DGLUCY: variants seen among roughly 807,000 people sequenced by gnomAD.
DGLUCY encodes D-glutamate cyclase.
DGLUCY carries 58 observed loss-of-function variants against 58.5 expected under a neutral mutation model. The ratio of observed to expected loss-of-function variants is 0.99; its 90% CI spans 0.80 to 1.23. The LOEUF is 1.23. DGLUCY is among the 50% of genes most tolerant of loss of function. The pLI, the probability that DGLUCY is intolerant of heterozygous loss-of-function variation, is 0.00. For missense variants in DGLUCY, 779 were observed against 784.7 expected (o/e 0.99, Z 0.09); for synonymous variants, 325 against 314.1 (o/e 1.03, Z -0.37).
At position 91,172,835 on chromosome 14, in the gene DGLUCY, T is replaced by TG. The variant is rs2048644519; in HGVS notation, c.457-450dup. The stretch of plus-strand genomic sequence containing the variant: ...CGAACTTTTGTATTTTTAATAGAGA[T>TG]GGGGTTTCACCATGCTGGCCAGGCT... On this transcript the variant is annotated intron_variant, in intron 5 of 13. Coordinates refer to ENST00000256324, the MANE Select transcript of DGLUCY (RefSeq NM_001102368.3). Among the ~76,000 whole-genome samples the TG allele has an allele frequency of 2.6e-5, 4 of 152,114 alleles. 1 individual carries two copies. The South Asian group carries it at 8.3e-4, about 32-fold the overall frequency.
At chr14:91,187,479 C>T (rs150240147) in intron 8 of DGLUCY, among the ~76,000 whole-genome samples, 1 of 152,348 alleles carries the variant, frequency 6.6e-6, no homozygotes, top group Non-Finnish European at 1.5e-5. Flanking sequence ...ACAATGGGAC[C>T]TCATGAGGGC....
chr14:91,068,077 A>ACGCGCACACACGCGCACG (rs527668243), intron 1 of DGLUCY, among the ~76,000 whole-genome samples: 2 of 84,554 alleles, frequency 2.4e-5, no homozygotes, highest in Non-Finnish European at 4.8e-5. Context: ...ACACACGCGC[A>ACGCGCACACACGCGCACG]CGCACACACA....
At chr14:91,107,303 G>A (rs967439352), upstream of DGLUCY, among the ~76,000 whole-genome samples, 2 of 152,070 alleles carry the variant, frequency 1.3e-5, no homozygotes, top group Non-Finnish European at 2.9e-5. Context: ...TGGATCATCT[G>A]AGGTCGGGAG....
At chr14:91,080,580 AG>A (rs1195447091) in intron 1 of DGLUCY, among the ~76,000 whole-genome samples, 3 of 152,130 alleles carry the variant, frequency 2.0e-5, no homozygotes, top group African/African-American at 7.2e-5. Context: ...CATGTTGGTC[AG>A]GCTGTTCTCG....
At chr14:91,102,755 G>GTGTGTGTGTA (rs1555391105) in intron 1 of DGLUCY, among the ~76,000 whole-genome samples, 19 of 149,682 alleles carry the variant, frequency 1.3e-4, no homozygotes, top group African/African-American at 4.7e-4. Context: ...GTGTGTGTGT[G>GTGTGTGTGTA]TGTGTGTGTG....
intron 1 of DGLUCY, among the ~76,000 whole-genome samples, chr14:91,093,865 C>T (rs918221321): frequency 3.9e-5 from 6 of 151,968 alleles, no homozygotes; most frequent in African/African-American, 1.5e-4. Context: ...CAAAAGGTCA[C>T]ATCTTGTATG....
At chr14:91,072,750 G>A (rs545554241) in intron 1 of DGLUCY, among the ~76,000 whole-genome samples, 32 of 152,054 alleles carry the variant, frequency 2.1e-4, no homozygotes, top group African/African-American at 5.8e-4. Flanking sequence ...TGCCAGGTGC[G>A]GTGGCTCATG....
At chr14:91,167,871 C>T in intron 4 of DGLUCY, 2 of 597,600 alleles carry the variant, frequency 3.3e-6, no homozygotes, top group South Asian at 4.0e-5. Flanking sequence ...CTTCCCTGGC[C>T]TAGCCCTAGT....
intron 1 of DGLUCY, among the ~76,000 whole-genome samples, chr14:91,089,193 G>A (rs1223620749): frequency 6.6e-6 from 1 of 152,164 alleles, no homozygotes; most frequent in Non-Finnish European, 1.5e-5. Context: ...TTCTTCCTGG[G>A]TATTTTTGGT....
intron 7 of DGLUCY, among the ~76,000 whole-genome samples, chr14:91,177,387 T>C (rs1214050012): frequency 6.6e-6 from 1 of 152,142 alleles, no homozygotes; most frequent in African/African-American, 2.4e-5. Context: ...TTTTGAGACA[T>C]TTTGGAGATT....
At chr14:91,211,800 TTTGA>T (rs79998257) in intron 12 of DGLUCY, among the ~76,000 whole-genome samples, 9 of 151,788 alleles carry the variant, frequency 5.9e-5, no homozygotes, top group East Asian at 3.9e-4. Flanking sequence ...TTTATTTTAA[TTTGA>T]TTGATTGATT....
chr14:91,167,928 A>C (rs1030494493), intron 4 of DGLUCY, among the ~76,000 whole-genome samples: 2 of 152,078 alleles, frequency 1.3e-5, no homozygotes, highest in African/African-American at 4.8e-5. Context: ...TTCCCAGCAG[A>C]GTGACTTTCT....
rs150686493 is a variant in DGLUCY at position 91,099,041 on chromosome 14, C to T, written c.-82+38337C>T. Among the ~76,000 whole-genome samples, 684 of 152,318 alleles carry T rather than the reference C, an allele frequency of 4.5e-3. 3 individuals carry two copies. The highest frequency in any genetic ancestry group is 0.016 in the African/African-American group (650 of 41,568). On this transcript the variant is annotated intron_variant, in intron 1 of 4. Coordinates refer to the DGLUCY transcript ENST00000521334. ...CTGCTCTAGGCACAGAGCAAGCTCT[C>T]TCTGCATTTGGGATACAGTGTAAGG...
intron 1 of DGLUCY, among the ~76,000 whole-genome samples, chr14:91,119,192 A>G (rs1439948300): frequency 1.3e-5 from 2 of 151,950 alleles, no homozygotes; most frequent in Non-Finnish European, 2.9e-5. Context: ...TCATTCAGGA[A>G]CCCAGCTTCC....
intron 3 of DGLUCY, among the ~76,000 whole-genome samples, chr14:91,164,417 A>G (rs986207278): frequency 6.6e-6 from 1 of 152,178 alleles, no homozygotes. Flanking sequence ...GTGTCTGCAC[A>G]TTCAAGGGTT....
intron 3 of DGLUCY, among the ~76,000 whole-genome samples, chr14:91,164,032 C>T (rs779210513): frequency 3.2e-4 from 48 of 152,270 alleles, no homozygotes; most frequent in Non-Finnish European, 5.0e-4. Flanking sequence ...TCACTGCAGC[C>T]TCCATCTCCC....
At chr14:91,087,033 C>A (rs954481862) in intron 1 of DGLUCY, among the ~76,000 whole-genome samples, 5 of 152,204 alleles carry the variant, frequency 3.3e-5, no homozygotes, top group Non-Finnish European at 5.9e-5. Flanking sequence ...CAGGGCTGCA[C>A]ATGCAGGTGG....
chr14:91,073,977 C>G (rs1023293321), intron 1 of DGLUCY, among the ~76,000 whole-genome samples: 5 of 151,464 alleles, frequency 3.3e-5, no homozygotes, highest in Non-Finnish European at 7.4e-5. Context: ...TAAAAATTGC[C>G]TGGCACGGTG....
chr14:91,215,844 G>C, intron 13 of DGLUCY: 1 of 1,024,102 alleles, frequency 9.8e-7, no homozygotes, highest in Non-Finnish European at 1.3e-6. Context: ...GTAAAATGGG[G>C]GTGGTCAGCA....
Sources: allele counts gnomAD v4.1 joint callset (sites outside exome capture counted in the v4.1 genomes callset), GRCh38; gene constraint gnomAD v4.1.1; transcripts MANE v1.5; gene names NCBI Gene and HGNC (gene_info 2026-07-23, HGNC 2026-07-21).